The following ARHGAP8 variants were observed in gnomAD, a reference collection of about 807,000 sequenced individuals.
The protein encoded by ARHGAP8 is rho GTPase-activating protein 8.
A neutral mutation model predicts 46.1 loss-of-function variants in ARHGAP8; 62 were observed. That is an observed-to-expected ratio of 1.34 (90% confidence interval 1.10 to 1.66). The LOEUF is 1.66. Among genes scored for constraint, ARHGAP8 ranks in the 40% most tolerant of loss-of-function variants. The probability of loss-of-function intolerance (pLI) is 0.00; values close to 1 mark genes in which losing one functional copy is unlikely to be tolerated. For missense variants in ARHGAP8, 923 were observed against 568.4 expected (o/e 1.62, Z -6.34); for synonymous variants, 375 against 243.1 (o/e 1.54, Z -5.05).
At chr22:44,850,593 A>G (rs1322842613) in intron 10 of ARHGAP8, 2 of 152,142 alleles carry the variant, frequency 1.3e-5, no homozygotes, top group Non-Finnish European at 2.9e-5. Flanking sequence ...AGGCGAACTT[A>G]CTGTTTGTTC....
At position 44,858,836 on chromosome 22, in the gene ARHGAP8, C is replaced by T. The variant is rs576076294; in HGVS notation, c.878-895C>T. Among the ~76,000 whole-genome samples, 472 of 151,070 alleles carry T rather than the reference C, an allele frequency of 3.1e-3. 5 individuals are homozygous for T. The highest frequency in any genetic ancestry group is 0.011 in the African/African-American group (445 of 40,860). ...GTGGGCGATTTGTGGTGCTGAGAAT[C>T]CTGAGCAGGCAGTTCGTCTAGAGCA... On this transcript the variant is annotated intron_variant, in intron 10 of 11. Transcript: ENST00000356099.
intron 1 of ARHGAP8, among the ~76,000 whole-genome samples, chr22:44,768,460 T>G (rs1925757875): frequency 7.0e-6 from 1 of 143,486 alleles, no homozygotes; most frequent in Non-Finnish European, 1.5e-5. Context: ...CCACCACACT[T>G]GGCTAATTTT....
At chr22:44,790,676 C>CAAAAAAAA (rs369579126) in intron 2 of ARHGAP8, among the ~76,000 whole-genome samples, 3 of 49,602 alleles carry the variant, frequency 6.0e-5, no homozygotes, top group African/African-American at 2.2e-4. Flanking sequence ...AACTCTGTCT[C>CAAAAAAAA]AAAAAAAAAA....
At position 44,808,335 on chromosome 22, in the gene ARHGAP8, G is replaced by T. The variant is rs771718778; in HGVS notation, c.196G>T (p.Val66Phe). 1 of 1,614,212 alleles carries T rather than the reference G, an allele frequency of 6.2e-7. No individual in the cohort carries two copies. The highest frequency in any genetic ancestry group is 8.5e-7 in the Non-Finnish European group (1 of 1,180,026). ...TTTGAAGTACACACTGGACCAATACGTTGAGAACGATTATACCATCGTCTA... is the reference window on the plus strand; with the variant it reads ...TTTGAAGTACACACTGGACCAATACTTTGAGAACGATTATACCATCGTCTA... ...EYLKYTLDQY[V>F]ENDYTIVYFH... Residue 66 changes from valine to phenylalanine, a missense_variant, in exon 4 of 12, where the codon GTT (valine) becomes TTT (phenylalanine). By Grantham distance (50) the Val-to-Phe change is conservative. Transcript: ENST00000356099.
chr22:44,839,834 TCA>T (rs1307973272), intron 7 of ARHGAP8, among the ~76,000 whole-genome samples: 1 of 152,224 alleles, frequency 6.6e-6, no homozygotes, highest in Non-Finnish European at 1.5e-5. Context: ...AGCAACCACG[TCA>T]CACTTCTCCT....
chr22:44,809,536 T>C (rs1301809822), intron 4 of ARHGAP8: 1 of 273,536 alleles, frequency 3.7e-6, no homozygotes, highest in Non-Finnish European at 7.2e-6. Context: ...GATGAGGACA[T>C]AGGCCCCAGG....
chr22:44,804,567 C>T (rs1928803946), intron 3 of ARHGAP8, among the ~76,000 whole-genome samples: 1 of 152,194 alleles, frequency 6.6e-6, no homozygotes, highest in Admixed American at 6.5e-5. Context: ...GGGAGCACGG[C>T]ACCTGGCCTG....
At chr22:44,859,511 CTT>C in intron 10 of ARHGAP8, 1 of 587,014 alleles carries the variant, frequency 1.7e-6, no homozygotes. Flanking sequence ...AGTTAAACCT[CTT>C]TTCTTATAAA....
At chr22:44,803,547 C>A (rs116029197) in intron 3 of ARHGAP8, among the ~76,000 whole-genome samples, 1,727 of 150,984 alleles carry the variant, frequency 0.011, 30 homozygotes, top group African/African-American at 0.04. Flanking sequence ...TCGTCCCTTG[C>A]ATATGTCCCC....
At chr22:44,826,776 C>T (rs1344926559) in intron 7 of ARHGAP8, among the ~76,000 whole-genome samples, 1 of 152,152 alleles carries the variant, frequency 6.6e-6, no homozygotes, top group Non-Finnish European at 1.5e-5. Flanking sequence ...ACTGAGGAGG[C>T]TCTGGGCGGC....
chr22:44,801,808 G>A, intron 2 of ARHGAP8: 1 of 507,458 alleles, frequency 2.0e-6, no homozygotes, highest in Non-Finnish European at 3.6e-6. Context: ...GCTCTGCACT[G>A]ATGACTTAAC....
At chr22:44,807,220 C>G (rs1300906130) in intron 3 of ARHGAP8, among the ~76,000 whole-genome samples, 1 of 152,190 alleles carries the variant, frequency 6.6e-6, no homozygotes, top group African/African-American at 2.4e-5. Context: ...CATGGCCTGA[C>G]CGGCTCAGTG....
At chr22:44,792,719 A>G (rs911359364) in intron 2 of ARHGAP8, among the ~76,000 whole-genome samples, 1 of 152,136 alleles carries the variant, frequency 6.6e-6, no homozygotes, top group Non-Finnish European at 1.5e-5. Flanking sequence ...AGGAATTTTG[A>G]ATGATCTCTC....
chr22:44,847,244 C>T (rs926834654), intron 8 of ARHGAP8, among the ~76,000 whole-genome samples: 2 of 152,234 alleles, frequency 1.3e-5, no homozygotes, highest in Admixed American at 6.5e-5. Flanking sequence ...CTTCCCTCTA[C>T]CCCACAGCTG....
At chr22:44,759,350 A>C (rs1924941827) in intron 1 of ARHGAP8, among the ~76,000 whole-genome samples, 1 of 152,108 alleles carries the variant, frequency 6.6e-6, no homozygotes, top group Non-Finnish European at 1.5e-5. Context: ...GGGCTGCCAG[A>C]GCCCACAGGA....
intron 5 of ARHGAP8, among the ~76,000 whole-genome samples, chr22:44,815,507 GA>G (rs1413967272): frequency 2.6e-5 from 4 of 152,084 alleles, no homozygotes; most frequent in African/African-American, 4.8e-5. Flanking sequence ...CAGGAGCTGA[GA>G]GGTTTCCACC....
chr22:44,813,539 T>A (rs1229011545), intron 4 of ARHGAP8, among the ~76,000 whole-genome samples: 1 of 151,616 alleles, frequency 6.6e-6, no homozygotes, highest in Non-Finnish European at 1.5e-5. Context: ...CTACGTATAC[T>A]ATACACTTAT....
At chr22:44,860,301 A>G (rs1013095606) in intron 11 of ARHGAP8, among the ~76,000 whole-genome samples, 10 of 152,138 alleles carry the variant, frequency 6.6e-5, no homozygotes, top group African/African-American at 2.4e-4. Context: ...TCACTCTTCT[A>G]GAGGCTAGCA....
chr22:44,793,301 A>G (rs1347612343), intron 2 of ARHGAP8, among the ~76,000 whole-genome samples: 4 of 152,262 alleles, frequency 2.6e-5, no homozygotes, highest in East Asian at 1.9e-4. Context: ...TCTGAGGACC[A>G]GAAGAGGTAG....
Sources: gnomAD v4.1 joint callset for allele counts (sites outside exome capture counted in the v4.1 genomes callset) on GRCh38, gnomAD v4.1.1 for gene constraint, MANE v1.5 for transcripts, NCBI Gene and HGNC (gene_info 2026-07-23, HGNC 2026-07-21) for gene names.